Variants in LDLRAD3 observed in about 807,000 individuals in gnomAD.
The protein encoded by LDLRAD3 is low density lipoprotein receptor class A domain containing 3.
LDLRAD3 carries 20 observed loss-of-function variants against 29.4 expected under a neutral mutation model. The ratio of observed to expected loss-of-function variants is 0.68; its 90% CI spans 0.48 to 0.99. The LOEUF is 0.99. Among genes scored for constraint, LDLRAD3 ranks in the 50% least tolerant of loss-of-function variants. The pLI is 0.00. For synonymous variants in LDLRAD3, 157 were observed against 192.7 expected (o/e 0.81, Z 1.53); for missense variants, 420 against 454.3 (o/e 0.92, Z 0.69).
At chr11:35,997,042 G>A (rs1433074396) in intron 1 of LDLRAD3, among the ~76,000 whole-genome samples, 1 of 152,126 alleles carries the variant, frequency 6.6e-6, no homozygotes, top group Non-Finnish European at 1.5e-5. Flanking sequence ...TGGAATGATG[G>A]ATGGCTGAAA....
At chr11:36,060,517 T>G (rs1499516) in intron 2 of LDLRAD3, among the ~76,000 whole-genome samples, 40,104 of 152,052 alleles carry the variant, frequency 0.26, 5,443 homozygotes, top group Non-Finnish European at 0.3. Context: ...AATGTGGAAT[T>G]TGAATGATGA....
intron 3 of LDLRAD3, among the ~76,000 whole-genome samples, chr11:36,092,519 C>T (rs989165009): frequency 6.6e-6 from 1 of 152,110 alleles, no homozygotes; most frequent in African/African-American, 2.4e-5. Flanking sequence ...TATCTTCCTC[C>T]CTTCCCCCTG....
chr11:36,139,795 G>C (rs1439868493), intron 4 of LDLRAD3, among the ~76,000 whole-genome samples: 2 of 152,176 alleles, frequency 1.3e-5, no homozygotes, highest in African/African-American at 2.4e-5. Context: ...GCGTGGGAGT[G>C]CCCTTTGAGA....
chr11:36,020,834 G>T (rs112654839), intron 1 of LDLRAD3, among the ~76,000 whole-genome samples: 5 of 152,162 alleles, frequency 3.3e-5, no homozygotes, highest in African/African-American at 1.2e-4. Flanking sequence ...AGCATGTGAC[G>T]TGGTCAGATT....
chr11:36,076,469 C>A (rs1421356416), intron 2 of LDLRAD3, among the ~76,000 whole-genome samples: 1 of 152,070 alleles, frequency 6.6e-6, no homozygotes, highest in Non-Finnish European at 1.5e-5. Flanking sequence ...TCACTGCAAC[C>A]TCCACCTCCC....
intron 4 of LDLRAD3, among the ~76,000 whole-genome samples, chr11:36,164,801 C>T (rs1854491831): frequency 6.6e-6 from 1 of 152,216 alleles, no homozygotes; most frequent in East Asian, 1.9e-4. Flanking sequence ...TTCTATGTCC[C>T]AGATCTGGAT....
intron 1 of LDLRAD3, among the ~76,000 whole-genome samples, chr11:36,023,294 T>C (rs1417288959): frequency 6.6e-6 from 1 of 152,176 alleles, no homozygotes; most frequent in East Asian, 1.9e-4. Context: ...CTTTAATCCA[T>C]AGGGAACGGG....
chr11:36,038,994 A>T (rs1852344173), intron 2 of LDLRAD3, among the ~76,000 whole-genome samples: 1 of 141,522 alleles, frequency 7.1e-6, no homozygotes, highest in African/African-American at 2.7e-5. Flanking sequence ...TTTTAGACGG[A>T]GTCTTGCCTC....
intron 1 of LDLRAD3, among the ~76,000 whole-genome samples, chr11:36,005,931 G>A (rs140628394): frequency 2.0e-4 from 31 of 152,246 alleles, no homozygotes; most frequent in African/African-American, 6.0e-4. Flanking sequence ...TTGCTATCAC[G>A]AGAGCAGCAA....
At chr11:35,956,504 A>G (rs1002793421) in intron 1 of LDLRAD3, among the ~76,000 whole-genome samples, 1 of 152,220 alleles carries the variant, frequency 6.6e-6, no homozygotes, top group Non-Finnish European at 1.5e-5. Flanking sequence ...CCCAAGTGAT[A>G]CATGTGCATA....
intron 4 of LDLRAD3, among the ~76,000 whole-genome samples, chr11:36,128,151 GCAAT>G (rs1853869540): frequency 1.1e-5 from 1 of 88,712 alleles, no homozygotes; most frequent in South Asian, 4.3e-4. Context: ...TGACATGTAG[GCAAT>G]TAAACTTAGA....
intron 2 of LDLRAD3, among the ~76,000 whole-genome samples, chr11:36,071,379 C>G (rs184051826): frequency 1.3e-5 from 2 of 152,266 alleles, no homozygotes; most frequent in Non-Finnish European, 2.9e-5. Flanking sequence ...GTAAAGCATG[C>G]ATGTCCTTTG....
At chr11:36,190,450 T>C (rs952251184) in intron 4 of LDLRAD3, among the ~76,000 whole-genome samples, 4 of 152,158 alleles carry the variant, frequency 2.6e-5, no homozygotes, top group Non-Finnish European at 5.9e-5. Flanking sequence ...CCGTGAGTTA[T>C]GATTGCACCA....
intron 4 of LDLRAD3, among the ~76,000 whole-genome samples, chr11:36,223,724 T>C (rs1009930954): frequency 6.8e-6 from 1 of 147,044 alleles, no homozygotes; most frequent in Non-Finnish European, 1.5e-5. Context: ...TCTCAAAAAA[T>C]ACATATTAAA....
Position 36,124,346 on chromosome 11 carries a change from C to CT in LDLRAD3, c.454+25885_454+25886insT, listed in dbSNP as rs1466878365. On this transcript the variant is annotated intron_variant, in intron 4 of 5. Transcript: ENST00000315571. The stretch of plus-strand genomic sequence containing the variant: ...ATCATGGAAGCAATATACTATATGC[C>CT]AGGCACTAGCATAGGTAGCATTTGT... 2.0e-5 allele frequency among the ~76,000 whole-genome samples: 3 copies of CT among 152,280 alleles called. No individual in the cohort carries two copies. In the South Asian group the frequency reaches 6.2e-4, roughly 32 times the overall value.
At chr11:36,066,965 C>T (rs1852804985) in intron 2 of LDLRAD3, among the ~76,000 whole-genome samples, 1 of 152,230 alleles carries the variant, frequency 6.6e-6, no homozygotes, top group Non-Finnish European at 1.5e-5. Context: ...AGACGCATCT[C>T]CTGCCGCATA....
intron 2 of LDLRAD3, among the ~76,000 whole-genome samples, chr11:36,059,409 C>T (rs1852666203): frequency 6.6e-6 from 1 of 151,472 alleles, no homozygotes; most frequent in South Asian, 2.1e-4. Flanking sequence ...CTTCTCATCA[C>T]AGCTAGAATT....
At chr11:36,145,565 G>T (rs1186387583) in intron 4 of LDLRAD3, among the ~76,000 whole-genome samples, 1 of 102,484 alleles carries the variant, frequency 9.8e-6, no homozygotes, top group Non-Finnish European at 2.4e-5. Flanking sequence ...GAATAGAAAG[G>T]GGGGAAAAGT....
intron 1 of LDLRAD3, among the ~76,000 whole-genome samples, chr11:35,961,562 C>A (rs1851278211): frequency 6.6e-6 from 1 of 152,184 alleles, no homozygotes; most frequent in Non-Finnish European, 1.5e-5. Context: ...ACATGCTTAC[C>A]AATCCATGCC....
Sources: allele counts gnomAD v4.1 joint callset (sites outside exome capture counted in the v4.1 genomes callset), GRCh38; gene constraint gnomAD v4.1.1; transcripts MANE v1.5; gene names NCBI Gene and HGNC (gene_info 2026-07-23, HGNC 2026-07-21).